UBR4: variants seen among roughly 807,000 people sequenced by gnomAD.
UBR4 encodes E3 ubiquitin-protein ligase UBR4.
A neutral mutation model predicts 575.6 loss-of-function variants in UBR4; 124 were observed. The ratio of observed to expected loss-of-function variants is 0.22; its 90% confidence interval spans 0.19 to 0.25. The LOEUF (loss-of-function observed/expected upper bound fraction) is 0.25. Ranked by LOEUF, UBR4 falls within the 10% of genes least tolerant of loss-of-function variation. The probability of loss-of-function intolerance (pLI) is 1.00; values close to 1 mark genes in which losing one functional copy is unlikely to be tolerated. For missense variants in UBR4, 4,818 were observed against 6,478.8 expected, an observed-to-expected ratio of 0.74 and a Z score of 8.80; for synonymous variants, 2,455 against 2,473.7, an observed-to-expected ratio of 0.99 and a Z score of 0.22.
chr1:19,199,664 C>G lies in UBR4; in HGVS notation c.365G>C (p.Cys122Ser). ...LLRLENPDEA[C>S]AVSQKHLILL... The stretch of plus-strand genomic sequence containing the variant: ...CATCACTCTCACCTGGGACACAGCA[C>G]AAGCCTCATCTGGATTCTCCAGACG... Residue 122 changes from cysteine to serine, a missense_variant, in exon 3 of 106, where the codon TGT (cysteine) becomes TCT (serine). By Grantham distance (112) the Cys-to-Ser change is moderately radical (BLOSUM62 -1). This residue lies in a region of UBR4 where 85 missense variants were observed against 134.2 expected (regional missense o/e 0.63). Coordinates refer to ENST00000375254, the MANE Select transcript of UBR4 (RefSeq NM_020765.3). 6.2e-7 allele frequency: 1 copy of G among 1,614,132 alleles called. No individual in the cohort carries two copies. The highest frequency in any genetic ancestry group is 8.5e-7 in the Non-Finnish European group (1 of 1,180,016).
intron 97 of UBR4, among the ~76,000 whole-genome samples, chr1:19,091,926 T>C (rs1305448674): frequency 6.6e-6 from 1 of 151,672 alleles, no homozygotes; most frequent in Non-Finnish European, 1.5e-5. Flanking sequence ...TGTCCTTTAA[T>C]GGGTGAACAG....
intron 49 of UBR4, 95 bp from the exon 50 acceptor site, chr1:19,148,721 A>G (rs944600319): frequency 3.7e-5 from 49 of 1,337,656 alleles, no homozygotes; most frequent in Non-Finnish European, 4.2e-5. Context: ...CCTTGGGGAC[A>G]GCTAATGAAT....
intron 86 of UBR4, 59 bp from the exon 87 acceptor site, chr1:19,104,316 G>T: frequency 6.3e-7 from 1 of 1,583,890 alleles, no homozygotes; most frequent in Non-Finnish European, 8.6e-7. Flanking sequence ...AGGACAGTCT[G>T]TGTCTCAAAA....
At chr1:19,191,535 CACA>C (rs1458878394) in intron 11 of UBR4, among the ~76,000 whole-genome samples, 7 of 152,244 alleles carry the variant, frequency 4.6e-5, no homozygotes, top group African/African-American at 1.7e-4. Flanking sequence ...TCTTTTTCTT[CACA>C]ACGTTTATAT....
chr1:19,187,611 A>AT, intron 11 of UBR4, 71 bp from the exon 12 acceptor site: 1 of 1,510,822 alleles, frequency 6.6e-7, no homozygotes, highest in Non-Finnish European at 9.1e-7. Context: ...GAAGCAGTGG[A>AT]TCTTGCCATT....
rs939543325 is a variant in UBR4, at chr1:19,143,109, A to G, written c.8179+871T>C. 1.9e-4 allele frequency among the ~76,000 whole-genome samples: 28 copies of G among 151,190 alleles called. 1 individual carries two copies. The highest frequency in any genetic ancestry group is 1.6e-4 in the Non-Finnish European group (11 of 67,864). On this transcript the variant is annotated intron_variant, in intron 55 of 105. Transcript: ENST00000375254. ...TGAAAAAAGACGAGAGAGAGAGAGAAAGAAAGAAAGAGAAAAGAAAAAAAG... is the reference window on the plus strand; with the variant it reads ...TGAAAAAAGACGAGAGAGAGAGAGAGAGAAAGAAAGAGAAAAGAAAAAAAG...
intron 17 of UBR4, among the ~76,000 whole-genome samples, chr1:19,181,827 A>C (rs1183848542): frequency 1.3e-5 from 2 of 152,190 alleles, no homozygotes; most frequent in Non-Finnish European, 2.9e-5. Flanking sequence ...TTACCATTTC[A>C]ACCATTTTTA....
chr1:19,197,296 CT>C, intron 7 of UBR4, 31 bp from the exon 8 acceptor site: 1 of 1,613,622 alleles, frequency 6.2e-7, no homozygotes, highest in Non-Finnish European at 8.5e-7. Context: ...ACAAGTGTCT[CT>C]TAGAATCATT....
intron 11 of UBR4, among the ~76,000 whole-genome samples, chr1:19,190,218 G>C (rs1446585401): frequency 2.7e-5 from 4 of 148,474 alleles, no homozygotes; most frequent in African/African-American, 1.0e-4. Flanking sequence ...GCTTGAACCT[G>C]GGAGGCAGAG....
intron 104 of UBR4, 144 bp downstream of exon 104, chr1:19,077,832 T>C: frequency 6.5e-6 from 10 of 1,547,120 alleles, no homozygotes; most frequent in Non-Finnish European, 5.2e-6. Flanking sequence ...CCTCCCACAG[T>C]TGGGGTTGTT....
At position 19,164,478 on chromosome 1, in the gene UBR4, A is replaced by G. The variant is rs111256272; in HGVS notation, c.4512-37T>C. 807 of 1,590,110 alleles carry G rather than the reference A, an allele frequency of 5.1e-4. 16 individuals carry two copies. In the South Asian group the frequency reaches 6.7e-3, roughly 13 times the overall value. On this transcript the variant is annotated intron_variant, in intron 32 of 105. Coordinates refer to ENST00000375254, the MANE Select transcript of UBR4 (RefSeq NM_020765.3). ...GAAAGAGCAAGTTGGTGAATAATCA[A>G]CAGGAATCTCATTCTGTGTGTTATA...
chr1:19,151,686 G>A lies in UBR4; in HGVS notation c.7170C>T (p.Thr2390=), dbSNP rs192092912. The A allele has an allele frequency of 1.3e-4, 215 of 1,614,154 alleles. 3 individuals carry two copies. Among genetic ancestry groups the A allele is most frequent in the Non-Finnish European group, 5.1e-6 (6 of 1,180,024 alleles). The change falls in exon 48 of 106, where the codon ACC becomes ACT. Residue 2390 remains threonine, a synonymous_variant. Transcript: ENST00000375254. ...TATCAGCCTGCAGGGCTTCTTCTCT[G>A]GTGAAGGGGAAGTCAAACCAGCGTG... The part of the protein sequence containing the change: ...SRSRWFDFPF[T]REEALQADKK...
rs1444561382 is a variant in UBR4, at chr1:19,094,758, CA to C, written c.13746+147del. On this transcript the variant is annotated intron_variant, in intron 94 of 105. Coordinates refer to ENST00000375254, the MANE Select transcript of UBR4 (RefSeq NM_020765.3). ...ATTTCACATTTCGATACAATTATGT[CA>C]TCATTAGTTGAGTCCTAACATTCCA... The C allele has an allele frequency of 5.8e-5, 62 of 1,070,120 alleles. No homozygotes were observed. The Admixed American group carries it at 1.6e-3, about 27-fold the overall frequency. The allele number at this position is 1,070,120 out of a possible 1,614,324, so 66.3% of individuals were successfully genotyped here. A position where few individuals can be genotyped will look rare whatever the true frequency, so the allele number is the denominator to read the frequency against.
At chr1:19,188,379 C>G (rs1029359011) in intron 11 of UBR4, among the ~76,000 whole-genome samples, 1 of 151,870 alleles carries the variant, frequency 6.6e-6, no homozygotes, top group Middle Eastern at 3.5e-3. Context: ...CATGGCAAGA[C>G]CCCATCTCTA....
intron 99 of UBR4, among the ~76,000 whole-genome samples, chr1:19,087,306 A>G (rs372772557): frequency 6.6e-6 from 1 of 152,362 alleles, no homozygotes; most frequent in East Asian, 1.9e-4. Flanking sequence ...TTGAGCCTTC[A>G]GGAGAGCCAG....
In UBR4 at chr1:19,139,858, CAGCATCCAG is replaced by C. The variant is rs2083645551; in HGVS notation, c.8594-647_8594-639del. 1.3e-5 allele frequency among the ~76,000 whole-genome samples: 2 copies of C among 152,142 alleles called. No homozygotes were observed. The highest frequency in any genetic ancestry group is 6.5e-5 in the Admixed American group (1 of 15,282). On this transcript the variant is annotated intron_variant, in intron 58 of 105. Transcript: ENST00000375254. This position sits in a 1 kb window ranked among gnomAD's most constrained non-coding sequence, Gnocchi z 4.2. ...CAAGGAAATTCCCCAGAGACAGCCA[CAGCATCCAG>C]GATCAGGGCTGAGCTGAGACAGGAG...
chr1:19,166,967 T>C, intron 29 of UBR4, 55 bp downstream of exon 29: 1 of 1,578,736 alleles, frequency 6.3e-7, no homozygotes, highest in Non-Finnish European at 8.7e-7. Flanking sequence ...TTAGTACATT[T>C]CACTGATAGC....
At chr1:19,127,527 A>C in intron 63 of UBR4, 96 bp downstream of exon 63, 1 of 921,588 alleles carries the variant, frequency 1.1e-6, no homozygotes, top group South Asian at 1.4e-5. Context: ...CAATGGCTTT[A>C]TTCTTACAGA....
At position 19,165,016 on chromosome 1, in the gene UBR4, G is replaced by A; in HGVS notation, c.4313-19C>T. The A allele has an allele frequency of 1.2e-6, 2 of 1,613,384 alleles. No homozygotes were observed. The highest frequency in any genetic ancestry group is 2.2e-5 in the East Asian group (1 of 44,824). On this transcript the variant is annotated intron_variant, in intron 31 of 105. Coordinates refer to ENST00000375254, the MANE Select transcript of UBR4 (RefSeq NM_020765.3). Reference sequence around the variant, plus strand: ...TTCTCAGCTAGGAGCAGAACAAGAGGCCAGGGTCAGTAAAGAAGGGCAAGA... The same window carrying A: ...TTCTCAGCTAGGAGCAGAACAAGAGACCAGGGTCAGTAAAGAAGGGCAAGA...
Sources: gnomAD v4.1 joint callset for allele counts (sites outside exome capture counted in the v4.1 genomes callset) on GRCh38, gnomAD v4.1.1 for gene constraint, gnomAD v4.1.1 regional missense constraint, Gnocchi (gnomAD v3.1) non-coding constraint, MANE v1.5 for transcripts, NCBI Gene and HGNC (gene_info 2026-07-23, HGNC 2026-07-21) for gene names.